Variants in PXYLP1 observed in about 807,000 individuals in gnomAD.
The protein encoded by PXYLP1 is acid phosphatase-like 2.
Under a neutral mutation model 37.9 loss-of-function variants are expected in PXYLP1, and 17 were observed. The ratio of observed to expected loss-of-function variants is 0.45; its 90% CI spans 0.31 to 0.67. The LOEUF is 0.67. Ranked by LOEUF, PXYLP1 falls within the 30% of genes least tolerant of loss-of-function variation. The pLI is 0.07. For missense variants in PXYLP1, 511 were observed against 612.0 expected, an observed-to-expected ratio of 0.84 and a Z score of 1.74; for synonymous variants, 221 against 232.2, an observed-to-expected ratio of 0.95 and a Z score of 0.44.
chr3:141,275,357 T>C (rs902990090), intron 2 of PXYLP1, among the ~76,000 whole-genome samples: 1 of 152,194 alleles, frequency 6.6e-6, no homozygotes, highest in African/African-American at 2.4e-5. Context: ...ACTAGCAAAC[T>C]GTGGGCACTC....
intron 4 of PXYLP1, among the ~76,000 whole-genome samples, chr3:141,281,547 A>T (rs1348577797): frequency 6.6e-6 from 1 of 152,244 alleles, no homozygotes; most frequent in Non-Finnish European, 1.5e-5. Flanking sequence ...CATTAGAGAA[A>T]GAAGAGGAAG....
intron 2 of PXYLP1, among the ~76,000 whole-genome samples, chr3:141,271,759 C>T (rs182015073): frequency 1.3e-5 from 2 of 152,326 alleles, no homozygotes; most frequent in East Asian, 3.9e-4. Flanking sequence ...ATGGGACAGC[C>T]TGTCTTTCCT....
rs538843118 is a variant in PXYLP1 at position 141,282,481 on chromosome 3, C to T, written c.365+2977C>T. Among the ~76,000 whole-genome samples, 293 of 108,664 alleles carry T rather than the reference C, an allele frequency of 2.7e-3. 2 individuals are homozygous for T. The highest frequency in any genetic ancestry group is 0.012 in the African/African-American group (285 of 23,582). The allele number at this position is 108,664 out of a possible 152,430, so 71.3% of individuals were successfully genotyped here. Reference sequence around the variant, plus strand: ...AGCATCTGTTACTTTCTAACCCAGACAAACACACACACACACACACACACA... The same window carrying T: ...AGCATCTGTTACTTTCTAACCCAGATAAACACACACACACACACACACACA... On this transcript the variant is annotated intron_variant, in intron 4 of 5. Coordinates refer to ENST00000286353, the MANE Select transcript of PXYLP1 (RefSeq NM_001037172.3).
intron 5 of PXYLP1, among the ~76,000 whole-genome samples, chr3:141,288,813 T>C (rs903683320): frequency 6.6e-6 from 1 of 152,184 alleles, no homozygotes. Flanking sequence ...GGAGGACCAC[T>C]TGAGCCCGGG....
chr3:141,241,797 G>T (rs1191792543), intron 1 of PXYLP1, among the ~76,000 whole-genome samples: 1 of 152,164 alleles, frequency 6.6e-6, no homozygotes, highest in Non-Finnish European at 1.5e-5. Context: ...AGGAGTTTGG[G>T]CCAGAATCTG....
At chr3:141,263,580 G>A (rs1338447183) in intron 2 of PXYLP1, among the ~76,000 whole-genome samples, 2 of 152,186 alleles carry the variant, frequency 1.3e-5, no homozygotes, top group East Asian at 1.9e-4. Context: ...CATGAGTTAT[G>A]TTTCCACTTT....
At chr3:141,232,180 C>T (rs536414218) in intron 1 of PXYLP1, among the ~76,000 whole-genome samples, 27 of 152,176 alleles carry the variant, frequency 1.8e-4, no homozygotes, top group African/African-American at 6.5e-4. Context: ...GCCCGGTGTC[C>T]CAGCCCCGGC....
At chr3:141,232,331 A>C (rs1371601770) in intron 1 of PXYLP1, 1 of 133,320 alleles carries the variant, frequency 7.5e-6, no homozygotes, top group Non-Finnish European at 1.6e-5. Context: ...CCGCCCTTCC[A>C]GCCCTCTCCC....
intron 4 of PXYLP1, among the ~76,000 whole-genome samples, chr3:141,284,192 A>G (rs1284364309): frequency 6.6e-6 from 1 of 152,152 alleles, no homozygotes; most frequent in African/African-American, 2.4e-5. Context: ...TGTGTGTTCC[A>G]GATTGTGCTA....
intron 4 of PXYLP1, among the ~76,000 whole-genome samples, chr3:141,283,229 ACCTCAGCCTCC>A (rs565243250): frequency 6.6e-6 from 1 of 151,238 alleles, no homozygotes; most frequent in East Asian, 1.9e-4. Flanking sequence ...TGATCAGCCC[ACCTCAGCCTCC>A]CAAAGTGCTG....
intron 1 of PXYLP1, among the ~76,000 whole-genome samples, chr3:141,259,751 C>T (rs1266767898): frequency 2.0e-5 from 3 of 152,212 alleles, no homozygotes; most frequent in Non-Finnish European, 4.4e-5. Context: ...GGTTAAAGGT[C>T]ACAGCAAGAT....
chr3:141,293,289 G>T lies in PXYLP1; in HGVS notation c.*84G>T. 1.5e-6 allele frequency: 2 copies of T among 1,341,894 alleles called. No homozygotes were observed. The highest frequency in any genetic ancestry group is 2.0e-6 in the Non-Finnish European group (2 of 991,772). 83.1% of individuals were successfully genotyped at this position (1,341,894 alleles called of 1,614,324 possible). On this transcript the variant is annotated 3_prime_UTR_variant, in exon 6 of 6. Transcript: ENST00000286353. ...ACTTCTAGTTTTGTCTGTTACTAAG[G>T]GTAGAAGATTATTGCTTTTTAAAGG...
intron 1 of PXYLP1, among the ~76,000 whole-genome samples, chr3:141,249,363 C>T (rs957639023): frequency 8.5e-5 from 13 of 152,130 alleles, no homozygotes; most frequent in African/African-American, 3.1e-4. Flanking sequence ...GAGCAAAATC[C>T]CGTTCCTATA....
In PXYLP1 at chr3:141,274,367, C is replaced by T. The variant is rs1363021212; in HGVS notation, c.80-3975C>T. 6.3e-6 allele frequency: 9 copies of T among 1,434,752 alleles called. No homozygotes were observed. In the Admixed American group the frequency reaches 1.3e-4, roughly 21 times the overall value. 88.9% of individuals were successfully genotyped at this position (1,434,752 alleles called of 1,614,324 possible). On this transcript the variant is annotated intron_variant, in intron 2 of 5. Coordinates refer to ENST00000286353, the MANE Select transcript of PXYLP1 (RefSeq NM_001037172.3). ...TGACCAGGCCTTACGGGACCCAAGG[C>T]GTATCCTGAGCCAGCTTGCTGACCC...
chr3:141,238,200 C>T (rs1393653348), intron 1 of PXYLP1, among the ~76,000 whole-genome samples: 3 of 152,204 alleles, frequency 2.0e-5, no homozygotes, highest in African/African-American at 7.2e-5. Flanking sequence ...CCTGTGTCTG[C>T]CGTAGCTAGA....
Position 141,294,387 on chromosome 3 carries a change from T to C in PXYLP1, c.*1182T>C, listed in dbSNP as rs1942302511. ...TCAGTTTCAAATGGTAAATTCTGAT[T>C]GATTTTTAAATGCGTTTTTGGAAGA... is the stretch of plus-strand genomic sequence containing the variant. On this transcript the variant is annotated 3_prime_UTR_variant, in exon 6 of 6. Transcript: ENST00000286353. The C allele has an allele frequency of 6.6e-6, 1 of 152,242 alleles. No individual in the cohort carries two copies. The highest frequency in any genetic ancestry group is 6.5e-5 in the Admixed American group (1 of 15,284). 9.4% of individuals were successfully genotyped at this position (152,242 alleles called of 1,614,324 possible).
At chr3:141,273,497 G>A (rs572311899) in intron 2 of PXYLP1, 35 of 985,494 alleles carry the variant, frequency 3.6e-5, no homozygotes, top group Middle Eastern at 5.2e-4. Flanking sequence ...CTGTGCATTC[G>A]GGAGATGGGG....
At chr3:141,282,291 C>G (rs1429130466) in intron 4 of PXYLP1, among the ~76,000 whole-genome samples, 1 of 152,180 alleles carries the variant, frequency 6.6e-6, no homozygotes, top group Non-Finnish European at 1.5e-5. Context: ...GAAGGCTCTT[C>G]CCACAGAAAG....
At chr3:141,241,660 C>T (rs926537017) in intron 1 of PXYLP1, among the ~76,000 whole-genome samples, 1 of 152,196 alleles carries the variant, frequency 6.6e-6, no homozygotes, top group Non-Finnish European at 1.5e-5. Context: ...CAGAGTCGTG[C>T]GAGATGGTGT....
Sources: gnomAD v4.1 joint callset for allele counts (sites outside exome capture counted in the v4.1 genomes callset) on GRCh38, gnomAD v4.1.1 for gene constraint, MANE v1.5 for transcripts, NCBI Gene and HGNC (gene_info 2026-07-23, HGNC 2026-07-21) for gene names.